Variants in ADGRB3 observed in about 807,000 individuals in gnomAD.
The protein encoded by ADGRB3 is brain-specific angiogenesis inhibitor 3.
In ADGRB3, 37 loss-of-function variants were observed where a neutral mutation model predicts 193.4. That is an observed-to-expected ratio of 0.19 (90% CI 0.15 to 0.25). The LOEUF (loss-of-function observed/expected upper bound fraction) is 0.25, where lower values mean the gene tolerates loss of function less well. ADGRB3 is among the 10% of genes least tolerant of loss of function. ADGRB3 has a pLI of 1.00. For synonymous variants in ADGRB3, 690 were observed against 644.2 expected, an observed-to-expected ratio of 1.07 and a Z score of -1.08; for missense variants, 1,637 against 1,852.9, an observed-to-expected ratio of 0.88 and a Z score of 2.14.
intron 20 of ADGRB3, among the ~76,000 whole-genome samples, chr6:69,319,612 A>G (rs550687005): frequency 6.6e-6 from 1 of 151,306 alleles, no homozygotes; most frequent in Non-Finnish European, 1.5e-5. Flanking sequence ...TACTTTGAAA[A>G]ATTATTATTG....
At chr6:68,844,379 T>A (rs1207997585) in intron 3 of ADGRB3, among the ~76,000 whole-genome samples, 1 of 152,118 alleles carries the variant, frequency 6.6e-6, no homozygotes, top group Non-Finnish European at 1.5e-5. Context: ...GAATAAACAT[T>A]TATCAAAAGA....
intron 3 of ADGRB3, among the ~76,000 whole-genome samples, chr6:68,809,389 C>CAT (rs1196059248): frequency 2.0e-5 from 3 of 152,186 alleles, no homozygotes; most frequent in Admixed American, 6.5e-5. Context: ...TGCATGCCAA[C>CAT]ATATTTACTA....
Position 68,669,099 on chromosome 6 carries a change from G to T in ADGRB3, c.757+29667G>T, listed in dbSNP as rs551434887. ...TAAAAAAATGTGTGAGCGCATGGTA[G>T]GTGTATATATTTATGGGATTTATGG... On this transcript the variant is annotated intron_variant, in intron 3 of 31. Coordinates refer to ENST00000370598, the MANE Select transcript of ADGRB3 (RefSeq NM_001704.3). 5.9e-5 allele frequency among the ~76,000 whole-genome samples: 9 copies of T among 151,908 alleles called. No individual in the cohort carries two copies. The South Asian group carries it at 1.9e-3, about 32-fold the overall frequency.
At chr6:69,025,386 T>C (rs1770402450) in intron 13 of ADGRB3, among the ~76,000 whole-genome samples, 1 of 152,230 alleles carries the variant, frequency 6.6e-6, no homozygotes, top group African/African-American at 2.4e-5. Flanking sequence ...GTGGCTTCTC[T>C]TTCTAGGCTT....
intron 3 of ADGRB3, among the ~76,000 whole-genome samples, chr6:68,741,121 G>T (rs1765972382): frequency 6.6e-6 from 1 of 152,140 alleles, no homozygotes; most frequent in Non-Finnish European, 1.5e-5. Flanking sequence ...ACAAATGCAT[G>T]CATGGACACA....
chr6:68,672,109 G>A (rs1768976876), intron 3 of ADGRB3, among the ~76,000 whole-genome samples: 1 of 151,628 alleles, frequency 6.6e-6, no homozygotes, highest in Non-Finnish European at 1.5e-5. Flanking sequence ...CAATTATAAT[G>A]TCTTTTTTCA....
chr6:68,859,691 C>A (rs560914052), intron 3 of ADGRB3, among the ~76,000 whole-genome samples: 13 of 152,102 alleles, frequency 8.5e-5, no homozygotes, highest in Non-Finnish European at 1.8e-4. Flanking sequence ...ATGGGAAAGA[C>A]CCACCCCTAG....
intron 17 of ADGRB3, among the ~76,000 whole-genome samples, chr6:69,224,017 C>A (rs1275453808): frequency 6.6e-6 from 1 of 151,416 alleles, no homozygotes; most frequent in Non-Finnish European, 1.5e-5. Flanking sequence ...TATAGTTACA[C>A]TGGAAAAATG....
At chr6:69,382,999 TC>T in intron 31 of ADGRB3, 64 bp downstream of exon 31, 1 of 1,085,490 alleles carries the variant, frequency 9.2e-7, no homozygotes, top group Non-Finnish European at 1.3e-6. Flanking sequence ...ATTCCTGCCT[TC>T]CAGGACCTCC....
chr6:69,062,013 T>C (rs549157011), intron 15 of ADGRB3, among the ~76,000 whole-genome samples: 5 of 152,014 alleles, frequency 3.3e-5, no homozygotes, highest in Middle Eastern at 3.2e-3. Context: ...GATTTTGTCA[T>C]TGATACCTAA....
chr6:69,235,423 T>C (rs1420739767), intron 19 of ADGRB3, among the ~76,000 whole-genome samples: 1 of 152,092 alleles, frequency 6.6e-6, no homozygotes, highest in Non-Finnish European at 1.5e-5. Flanking sequence ...CATAGTACTC[T>C]TACACCACAA....
chr6:69,347,826 A>C (rs1769134559), intron 26 of ADGRB3, among the ~76,000 whole-genome samples: 1 of 152,086 alleles, frequency 6.6e-6, no homozygotes, highest in Non-Finnish European at 1.5e-5. Context: ...TTGAAATGGG[A>C]TAATGTCTGC....
chr6:68,707,166 A>G (rs1765339484), intron 3 of ADGRB3, among the ~76,000 whole-genome samples: 1 of 151,784 alleles, frequency 6.6e-6, no homozygotes, highest in East Asian at 1.9e-4. Context: ...GACAATGACT[A>G]TATCAGTGAC....
chr6:68,804,715 T>G (rs573299298), intron 3 of ADGRB3, among the ~76,000 whole-genome samples: 1 of 152,134 alleles, frequency 6.6e-6, no homozygotes, highest in Non-Finnish European at 1.5e-5. Context: ...TTTGCACTTA[T>G]GAGGAGAAAA....
chr6:69,040,675 C>CAAAAAAAAAAAAAAAAAAAAAAAAAAAAA lies in ADGRB3; in HGVS notation c.2108-7504_2108-7476dup, dbSNP rs869146684. On this transcript the variant is annotated intron_variant, in intron 13 of 31. Coordinates refer to ENST00000370598, the MANE Select transcript of ADGRB3 (RefSeq NM_001704.3). ...CCCAGGCTTTGAAATGACTGATGGA[C>CAAAAAAAAAAAAAAAAAAAAAAAAAAAAA]AAAAAAAAAAAAAAAAAAAAAAAAA... is the stretch of plus-strand genomic sequence containing the variant. Among the ~76,000 whole-genome samples, 5 of 19,518 alleles carry CAAAAAAAAAAAAAAAAAAAAAAAAAAAAA rather than the reference C, an allele frequency of 2.6e-4. 2 individuals are homozygous for CAAAAAAAAAAAAAAAAAAAAAAAAAAAAA. Among genetic ancestry groups the CAAAAAAAAAAAAAAAAAAAAAAAAAAAAA allele is most frequent in the Non-Finnish European group, 4.3e-4 (5 of 11,612 alleles). The allele number at this position is 19,518 out of a possible 152,430, so 12.8% of individuals were successfully genotyped here.
intron 3 of ADGRB3, among the ~76,000 whole-genome samples, chr6:68,793,185 G>C (rs1470066991): frequency 3.3e-5 from 5 of 152,058 alleles, no homozygotes; most frequent in Admixed American, 2.6e-4. Flanking sequence ...TACATGTCCT[G>C]TAAACTGTTC....
intron 17 of ADGRB3, among the ~76,000 whole-genome samples, chr6:69,230,692 G>A (rs566789331): frequency 2.6e-5 from 4 of 152,216 alleles, no homozygotes; most frequent in Non-Finnish European, 4.4e-5. Flanking sequence ...TCATCAGAAT[G>A]ATATCACACA....
rs1768934516 is a variant in ADGRB3, at chr6:69,339,658, C to A, written c.3459+154C>A. Reference sequence around the variant, plus strand: ...TCAAAGCTGAAGGAATGCTTTAAGACACAGCTTGGGAGAGCCCCCAGCACT... The same window carrying A: ...TCAAAGCTGAAGGAATGCTTTAAGAAACAGCTTGGGAGAGCCCCCAGCACT... On this transcript the variant is annotated intron_variant, in intron 26 of 31. Coordinates refer to ENST00000370598, the MANE Select transcript of ADGRB3 (RefSeq NM_001704.3). Among the ~76,000 whole-genome samples the A allele has an allele frequency of 2.0e-5, 3 of 152,160 alleles. No homozygotes were observed. The South Asian group carries it at 6.2e-4, about 31-fold the overall frequency.
At chr6:69,344,588 C>A (rs538575888) in intron 26 of ADGRB3, among the ~76,000 whole-genome samples, 2 of 152,044 alleles carry the variant, frequency 1.3e-5, no homozygotes, top group Non-Finnish European at 2.9e-5. Flanking sequence ...AATAACTAGA[C>A]AACAATATGT....
Sources: allele counts gnomAD v4.1 joint callset (sites outside exome capture counted in the v4.1 genomes callset), GRCh38; gene constraint gnomAD v4.1.1; transcripts MANE v1.5; gene names NCBI Gene and HGNC (gene_info 2026-07-23, HGNC 2026-07-21).